Variants in PFKFB3 observed in about 807,000 individuals in gnomAD.
PFKFB3 encodes 6-phosphofructo-2-kinase/fructose-2,6-biphosphatase 3, also known as 6-phosphofructo-2-kinase/fructose-2,6-bisphosphatase 3.
PFKFB3 carries 33 observed loss-of-function variants against 68.0 expected under a neutral mutation model. The ratio of observed to expected loss-of-function variants is 0.49; its 90% CI spans 0.37 to 0.65. PFKFB3 has a LOEUF of 0.65. Ranked by LOEUF, PFKFB3 falls within the 30% of genes least tolerant of loss-of-function variation. The pLI, the probability that PFKFB3 is intolerant of heterozygous loss-of-function variation, is 0.00. For missense variants in PFKFB3, 586 were observed against 712.2 expected (o/e 0.82, Z 2.02); for synonymous variants, 315 against 288.2 (o/e 1.09, Z -0.94).
At chr10:6,289,695 T>C in the PFKFB3 span, among the ~76,000 whole-genome samples, 1 of 152,206 alleles carries the variant, frequency 6.6e-6, no homozygotes, top group Non-Finnish European at 1.5e-5. Flanking sequence ...CGGGCTCTTT[T>C]TGGTTCCATA....
chr10:6,228,452 C>T lies in PFKFB3; in HGVS notation c.1515+2087C>T, dbSNP rs747412442. Among the ~76,000 whole-genome samples, 10 of 152,020 alleles carry T rather than the reference C, an allele frequency of 6.6e-5. No homozygotes were observed. Among genetic ancestry groups the T allele is most frequent in the South Asian group, 2.1e-4 (1 of 4,816 alleles). On this transcript the variant is annotated intron_variant, in intron 14 of 14. Coordinates refer to ENST00000379775, the MANE Select transcript of PFKFB3 (RefSeq NM_004566.4). This position sits in a 1 kb window ranked among gnomAD's most constrained non-coding sequence, Gnocchi z 4.5. ...ACTGTTGGGTGTGTTCCGACACCGC[C>T]GCACGACCGCTGGCTTCTCCCCTAC...
the PFKFB3 span, among the ~76,000 whole-genome samples, chr10:6,324,829 AAAG>A: frequency 1.2e-4 from 19 of 152,214 alleles, 1 homozygote; most frequent in Admixed American, 8.5e-4. Context: ...GGAAAAAAAA[AAAG>A]AAGAGAGCAT....
At chr10:6,302,632 C>T in the PFKFB3 span, among the ~76,000 whole-genome samples, 8 of 151,764 alleles carry the variant, frequency 5.3e-5, no homozygotes, top group African/African-American at 1.9e-4. Context: ...CCACCTGCCT[C>T]GGCCTCCCAA....
At chr10:6,177,440 C>CTTTCTT (rs1194775403) in intron 1 of PFKFB3, among the ~76,000 whole-genome samples, 2 of 90,260 alleles carry the variant, frequency 2.2e-5, no homozygotes, top group East Asian at 4.7e-4. Context: ...TTTTCTTTCT[C>CTTTCTT]TTTCTTTCTT....
chr10:6,170,449 G>T (rs1672890928), intron 1 of PFKFB3, among the ~76,000 whole-genome samples: 1 of 152,342 alleles, frequency 6.6e-6, no homozygotes, highest in East Asian at 1.9e-4. Flanking sequence ...GGGTGCAGTG[G>T]TGCATGCCTG....
the PFKFB3 span, among the ~76,000 whole-genome samples, chr10:6,290,692 C>T: frequency 6.6e-5 from 10 of 151,974 alleles, no homozygotes; most frequent in South Asian, 6.2e-4. Flanking sequence ...TTAGTAGAGA[C>T]GGGGTTTCAC....
rs181529468 is a variant in PFKFB3, at chr10:6,229,897, G to A, written c.1516-2998G>A. 4.7e-4 allele frequency among the ~76,000 whole-genome samples: 71 copies of A among 152,164 alleles called. No homozygotes were observed. Among genetic ancestry groups the A allele is most frequent in the African/African-American group, 1.6e-3 (67 of 41,516 alleles). On this transcript the variant is annotated intron_variant, in intron 14 of 14. Transcript: ENST00000379775. The surrounding 1 kb of genome is among the most constrained non-coding windows in gnomAD (Gnocchi z 4.3). ...AGGGAACGCACAGCCTAGATCCCTC[G>A]TGTGTGCTCCTCCGAGTCAGGTGGT...
At chr10:6,300,488 A>G in the PFKFB3 span, among the ~76,000 whole-genome samples, 1 of 152,178 alleles carries the variant, frequency 6.6e-6, no homozygotes, top group African/African-American at 2.4e-5. Context: ...CTCTGTGCCT[A>G]TGCAACCTTT....
At chr10:6,256,311 G>C (rs755842225), downstream of PFKFB3, among the ~76,000 whole-genome samples, 1 of 152,194 alleles carries the variant, frequency 6.6e-6, no homozygotes, top group Non-Finnish European at 1.5e-5. Context: ...GGGATAGGAA[G>C]TGGCAGGTCA....
In PFKFB3 at chr10:6,203,241, C is replaced by A. The variant is rs753338368; in HGVS notation, c.-20C>A. On this transcript the variant is annotated 5_prime_UTR_variant, in exon 1 of 15. Coordinates refer to ENST00000379775, the MANE Select transcript of PFKFB3 (RefSeq NM_004566.4). ...GGGATCTCGGCCCCGGGAGGCGGGCCGTCGGGCGCAGCCGCGAAGATGCCG... is the reference window on the plus strand; with the variant it reads ...GGGATCTCGGCCCCGGGAGGCGGGCAGTCGGGCGCAGCCGCGAAGATGCCG... 8 of 1,604,424 alleles carry A rather than the reference C, an allele frequency of 5.0e-6. No individual in the cohort carries two copies. In the Admixed American group the frequency reaches 1.2e-4, roughly 24 times the overall value.
Position 6,161,167 on chromosome 10 carries a change from C to T in PFKFB3, c.16+16154C>T, listed in dbSNP as rs377200315. Among the ~76,000 whole-genome samples the T allele has an allele frequency of 3.3e-5, 5 of 152,120 alleles. No individual in the cohort carries two copies. The East Asian group carries it at 7.7e-4, about 23-fold the overall frequency. On this transcript the variant is annotated intron_variant, in intron 1 of 14. Transcript: ENST00000379789. ...GGCAGGCTGGTCTTGAACTCCTGACCTCAGATGGTTCACCTGCCTTGTCCT... is the reference window on the plus strand; with the variant it reads ...GGCAGGCTGGTCTTGAACTCCTGACTTCAGATGGTTCACCTGCCTTGTCCT...
chr10:6,309,226 G>A, the PFKFB3 span, among the ~76,000 whole-genome samples: 1 of 152,206 alleles, frequency 6.6e-6, no homozygotes, highest in Non-Finnish European at 1.5e-5. Flanking sequence ...GGTTTTTGAT[G>A]ACGGTAAGGC....
At chr10:6,158,710 A>G (rs1841881076) in intron 1 of PFKFB3, among the ~76,000 whole-genome samples, 1 of 152,082 alleles carries the variant, frequency 6.6e-6, no homozygotes, top group Admixed American at 6.6e-5. Context: ...TACTAAAAAT[A>G]CAAAAAGTCA....
At chr10:6,249,313 A>C (rs768152883) in intron 14 of PFKFB3, among the ~76,000 whole-genome samples, 37 of 152,202 alleles carry the variant, frequency 2.4e-4, no homozygotes, top group Non-Finnish European at 4.7e-4. Flanking sequence ...AATTACTATT[A>C]ATATATGATC....
At chr10:6,196,596 A>C (rs1843182235) in intron 1 of PFKFB3, among the ~76,000 whole-genome samples, 1 of 152,202 alleles carries the variant, frequency 6.6e-6, no homozygotes, top group Non-Finnish European at 1.5e-5. Flanking sequence ...CATTCAGCAC[A>C]GGAGAAAGAT....
the PFKFB3 span, among the ~76,000 whole-genome samples, chr10:6,298,232 T>C: frequency 4.6e-5 from 7 of 152,168 alleles, no homozygotes; most frequent in South Asian, 6.2e-4. Context: ...CTCAGCTCTG[T>C]GAGCTGTGAG....
At chr10:6,240,814 A>G (rs1262480982) in intron 14 of PFKFB3, among the ~76,000 whole-genome samples, 1 of 150,176 alleles carries the variant, frequency 6.7e-6, no homozygotes, top group Admixed American at 6.6e-5. Flanking sequence ...ATCTCCTTAG[A>G]CTCCTTCAAT....
chr10:6,170,567 C>G (rs151259743), intron 1 of PFKFB3, among the ~76,000 whole-genome samples: 3 of 152,310 alleles, frequency 2.0e-5, no homozygotes, highest in African/African-American at 7.2e-5. Flanking sequence ...ATATTTAAAC[C>G]AGACTAGAAA....
At chr10:6,249,524 T>C (rs1170111506) in intron 14 of PFKFB3, among the ~76,000 whole-genome samples, 3 of 152,172 alleles carry the variant, frequency 2.0e-5, no homozygotes, top group Non-Finnish European at 2.9e-5. Flanking sequence ...AAAAATAAAC[T>C]TTGTCATTTG....
Sources: gnomAD v4.1 joint callset for allele counts (sites outside exome capture counted in the v4.1 genomes callset) on GRCh38, gnomAD v4.1.1 for gene constraint, Gnocchi (gnomAD v3.1) non-coding constraint, MANE v1.5 for transcripts, NCBI Gene and HGNC (gene_info 2026-07-23, HGNC 2026-07-21) for gene names.